Variants in MRPS27 observed in about 807,000 individuals in gnomAD.
The protein encoded by MRPS27 is mitochondrial ribosomal protein S27.
In MRPS27, 43 loss-of-function variants were observed where a neutral mutation model predicts 48.9. That is an observed-to-expected ratio of 0.88 (90% CI 0.69 to 1.13). The LOEUF is 1.13. Among genes scored for constraint, MRPS27 ranks in the 50% most tolerant of loss-of-function variants. The pLI, the probability that MRPS27 is intolerant of heterozygous loss-of-function variation, is 0.00. For synonymous variants in MRPS27, 188 were observed against 171.9 expected (o/e 1.09, Z -0.73); for missense variants, 467 against 476.3 (o/e 0.98, Z 0.18).
At chr5:72,225,534 G>A (rs185493266) in intron 9 of MRPS27, among the ~76,000 whole-genome samples, 36 of 152,310 alleles carry the variant, frequency 2.4e-4, no homozygotes, top group African/African-American at 8.4e-4. Flanking sequence ...TGGTGGGAGA[G>A]TAGTGTTCTC....
intron 1 of MRPS27, among the ~76,000 whole-genome samples, chr5:72,318,743 G>A (rs1178587973): frequency 2.7e-5 from 4 of 149,928 alleles, no homozygotes; most frequent in Non-Finnish European, 4.4e-5. Context: ...GCAGTAAGCC[G>A]AGATCGTGCC....
At chr5:72,277,247 G>A (rs1470019765) in intron 4 of MRPS27, among the ~76,000 whole-genome samples, 2 of 152,114 alleles carry the variant, frequency 1.3e-5, no homozygotes, top group African/African-American at 2.4e-5. Flanking sequence ...AGATAGGAAC[G>A]TTTTTACACT....
At chr5:72,276,411 A>G (rs543673559) in intron 4 of MRPS27, among the ~76,000 whole-genome samples, 11 of 152,336 alleles carry the variant, frequency 7.2e-5, no homozygotes, top group African/African-American at 2.4e-4. Context: ...CACAAAAATT[A>G]AGTCAAAATG....
At chr5:72,258,836 A>G (rs1307940438) in intron 4 of MRPS27, among the ~76,000 whole-genome samples, 1 of 152,230 alleles carries the variant, frequency 6.6e-6, no homozygotes, top group Non-Finnish European at 1.5e-5. Context: ...AAAATAGACT[A>G]TGACAGTAGA....
intron 4 of MRPS27, among the ~76,000 whole-genome samples, chr5:72,278,688 T>C (rs745715240): frequency 4.6e-5 from 7 of 152,316 alleles, no homozygotes; most frequent in Non-Finnish European, 8.8e-5. Context: ...CTTTGCATAT[T>C]TTCAAACTAC....
chr5:72,232,123 C>T (rs1344623006), intron 7 of MRPS27, among the ~76,000 whole-genome samples: 3 of 152,242 alleles, frequency 2.0e-5, no homozygotes, highest in East Asian at 1.9e-4. Flanking sequence ...TAATGGTCAA[C>T]GTTAGCTGCC....
In MRPS27 at chr5:72,285,971, C is replaced by T. The variant is rs773672168; in HGVS notation, c.281+9560G>A. 1.2e-4 allele frequency among the ~76,000 whole-genome samples: 18 copies of T among 152,340 alleles called. No homozygotes were observed. The East Asian group carries it at 1.3e-3, about 11-fold the overall frequency. ...CTGAAAATCATTTGTCTTACAGACA[C>T]GAATCCGTCCTCATTTATTTCCATC... On this transcript the variant is annotated intron_variant, in intron 4 of 10. Coordinates refer to ENST00000261413, the MANE Select transcript of MRPS27 (RefSeq NM_015084.3).
At chr5:72,244,560 C>G (rs185489403) in intron 4 of MRPS27, among the ~76,000 whole-genome samples, 1 of 152,352 alleles carries the variant, frequency 6.6e-6, no homozygotes, top group Admixed American at 6.5e-5. Context: ...CCAGATCTAA[C>G]TCTCAGTCTA....
rs1346394739 is a variant in MRPS27 at position 72,320,203 on chromosome 5, G to T, written c.19C>A (p.Arg7=). 5 of 1,613,906 alleles carry T rather than the reference G, an allele frequency of 3.1e-6. No individual in the cohort carries two copies. The highest frequency in any genetic ancestry group is 3.4e-6 in the Non-Finnish European group (4 of 1,179,862). The change falls in exon 1 of 11, where the codon CGG becomes AGG. Residue 7 remains arginine, a synonymous_variant. Transcript: ENST00000261413. MAASIV[R]RGMLLARQVV... ...TGCCGCGCCAGGAGCATCCCGCGCC[G>T]CACTATGGAGGCAGCCATCTTGGAG...
At chr5:72,315,893 T>C (rs1750552732) in intron 1 of MRPS27, among the ~76,000 whole-genome samples, 1 of 152,066 alleles carries the variant, frequency 6.6e-6, no homozygotes, top group Non-Finnish European at 1.5e-5. Context: ...CCAAGAAAAA[T>C]GAAAACTTGT....
intron 5 of MRPS27, among the ~76,000 whole-genome samples, chr5:72,237,513 T>C (rs898175547): frequency 1.3e-5 from 2 of 152,130 alleles, no homozygotes; most frequent in Non-Finnish European, 2.9e-5. Flanking sequence ...AGACTCACAA[T>C]AATAACATTC....
chr5:72,253,084 C>T (rs929741483), intron 4 of MRPS27, among the ~76,000 whole-genome samples: 4 of 152,210 alleles, frequency 2.6e-5, no homozygotes, highest in Non-Finnish European at 5.9e-5. Flanking sequence ...AATCATGCTG[C>T]TTCTCATTTA....
chr5:72,239,645 T>A (rs973175278), intron 4 of MRPS27, among the ~76,000 whole-genome samples: 1 of 152,158 alleles, frequency 6.6e-6, no homozygotes, highest in African/African-American at 2.4e-5. Flanking sequence ...ATACCTTTAG[T>A]ATTCCATGTT....
At chr5:72,319,509 C>T (rs1750678030) in intron 1 of MRPS27, among the ~76,000 whole-genome samples, 1 of 151,500 alleles carries the variant, frequency 6.6e-6, no homozygotes. Flanking sequence ...ATGTCCCAGC[C>T]CCAGGAATGG....
intron 4 of MRPS27, among the ~76,000 whole-genome samples, chr5:72,240,282 A>G (rs1580061833): frequency 6.6e-6 from 1 of 152,368 alleles, no homozygotes; most frequent in Non-Finnish European, 1.5e-5. Context: ...CGATGCACAC[A>G]TAATTTAATA....
At chr5:72,260,950 G>A (rs1580078518) in intron 4 of MRPS27, among the ~76,000 whole-genome samples, 5 of 152,204 alleles carry the variant, frequency 3.3e-5, no homozygotes, top group African/African-American at 7.2e-5. Context: ...TGCAACCTCC[G>A]CCTCCTGAGT....
intron 3 of MRPS27, 92 bp from the exon 4 acceptor site, chr5:72,295,681 C>G: frequency 1.1e-6 from 1 of 886,790 alleles, no homozygotes; most frequent in Non-Finnish European, 1.9e-6. Flanking sequence ...TTAGAAAACA[C>G]AGGACACCCA....
chr5:72,261,287 T>A (rs1397781386), intron 4 of MRPS27, among the ~76,000 whole-genome samples: 1 of 152,182 alleles, frequency 6.6e-6, no homozygotes, highest in Admixed American at 6.5e-5. Flanking sequence ...AGTCTCGTTT[T>A]GTTGCCCAGG....
chr5:72,274,469 T>C (rs2112022769), intron 4 of MRPS27, among the ~76,000 whole-genome samples: 1 of 152,328 alleles, frequency 6.6e-6, no homozygotes, highest in Non-Finnish European at 1.5e-5. Flanking sequence ...TGAAAGTTTA[T>C]CAGGGCAATA....
Sources: gnomAD v4.1 joint callset for allele counts (sites outside exome capture counted in the v4.1 genomes callset) on GRCh38, gnomAD v4.1.1 for gene constraint, MANE v1.5 for transcripts, NCBI Gene and HGNC (gene_info 2026-07-23, HGNC 2026-07-21) for gene names.